Variants in TEX9 observed in about 807,000 individuals in gnomAD.
The protein encoded by TEX9 is testis-expressed protein 9.
Under a neutral mutation model 59.6 loss-of-function variants are expected in TEX9, and 74 were observed. The ratio of observed to expected loss-of-function variants is 1.24; its 90% CI spans 1.03 to 1.51. TEX9 has a LOEUF of 1.51. Ranked by LOEUF, TEX9 falls within the 40% of genes most tolerant of loss-of-function variation. The pLI is 0.00. For missense variants in TEX9, 522 were observed against 447.8 expected, an observed-to-expected ratio of 1.17 and a Z score of -1.49; for synonymous variants, 186 against 152.2, an observed-to-expected ratio of 1.22 and a Z score of -1.64.
chr15:56,267,493 T>C (rs1234093971), intron 1 of TEX9, among the ~76,000 whole-genome samples: 1 of 152,236 alleles, frequency 6.6e-6, no homozygotes, highest in African/African-American at 2.4e-5. Context: ...CCATCTTGAA[T>C]TAATTTTCGT....
intron 1 of TEX9, among the ~76,000 whole-genome samples, chr15:56,349,312 C>T (rs568420413): frequency 8.9e-4 from 135 of 152,274 alleles, no homozygotes; most frequent in African/African-American, 3.0e-3. Context: ...AAATTTATCT[C>T]TTGGGAAACA....
In TEX9 at chr15:56,439,120, T is replaced by C. The variant is rs548526325; in HGVS notation, c.*30-6551T>C. 4.6e-5 allele frequency among the ~76,000 whole-genome samples: 7 copies of C among 152,160 alleles called. No individual in the cohort carries two copies. The East Asian group carries it at 9.7e-4, about 21-fold the overall frequency. On this transcript the variant is annotated intron_variant, in intron 12 of 12. Coordinates refer to ENST00000352903, the Ensembl canonical transcript of TEX9. Reference sequence around the variant, plus strand: ...GTGAGATACAAGATAAACACAAAAATATCAATTCACTAGCAACGAGTACAC... The same window carrying C: ...GTGAGATACAAGATAAACACAAAAACATCAATTCACTAGCAACGAGTACAC...
At chr15:56,278,628 C>T (rs973719627) in intron 1 of TEX9, among the ~76,000 whole-genome samples, 2 of 152,108 alleles carry the variant, frequency 1.3e-5, no homozygotes, top group East Asian at 1.9e-4. Flanking sequence ...CCTTGTGGGA[C>T]TTTCTCTCTT....
intron 10 of TEX9, among the ~76,000 whole-genome samples, chr15:56,420,826 T>C (rs2049943587): frequency 6.6e-6 from 1 of 151,982 alleles, no homozygotes; most frequent in Non-Finnish European, 1.5e-5. Flanking sequence ...TACGAGTTTG[T>C]CATTTCATTT....
At chr15:56,373,611 C>A in intron 3 of TEX9, 107 bp downstream of exon 3, 1 of 832,624 alleles carries the variant, frequency 1.2e-6, no homozygotes, top group Non-Finnish European at 1.7e-6. Context: ...CATGTGTGTT[C>A]AGTTCAATGA....
At chr15:56,320,092 T>A (rs2725850) in intron 1 of TEX9, among the ~76,000 whole-genome samples, 70,550 of 152,050 alleles carry the variant, frequency 0.46, 18,881 homozygotes, top group Non-Finnish European at 0.6. Flanking sequence ...CAGGTACAGG[T>A]GCCCTCATAG....
At chr15:56,451,729 T>G in the TEX9 span, among the ~76,000 whole-genome samples, 347 of 152,128 alleles carry the variant, frequency 2.3e-3, 1 homozygote, top group Middle Eastern at 3.4e-3. Context: ...CAATTCATGA[T>G]GGGATGCATC....
chr15:56,453,400 A>C, the TEX9 span, among the ~76,000 whole-genome samples: 14 of 152,074 alleles, frequency 9.2e-5, 1 homozygote, highest in Non-Finnish European at 8.8e-5. Context: ...AGAAAATGTT[A>C]TTTTGTGCTC....
At chr15:56,302,034 G>A (rs745578166) in intron 1 of TEX9, among the ~76,000 whole-genome samples, 4 of 152,082 alleles carry the variant, frequency 2.6e-5, no homozygotes, top group Admixed American at 6.6e-5. Context: ...AAATTAAAAA[G>A]CAGGGGCATG....
intron 3 of TEX9, among the ~76,000 whole-genome samples, chr15:56,379,786 A>G (rs28805049): frequency 0.024 from 3,712 of 151,688 alleles, 156 homozygotes; most frequent in African/African-American, 0.085. Flanking sequence ...TTAGCATTAT[A>G]TAATGACCTT....
intron 10 of TEX9, among the ~76,000 whole-genome samples, chr15:56,425,338 A>G (rs1180035416): frequency 6.6e-6 from 1 of 152,108 alleles, no homozygotes; most frequent in Non-Finnish European, 1.5e-5. Flanking sequence ...TTTTCTATCT[A>G]AGATTACACT....
rs1176090890 is a variant in TEX9 at position 56,392,898 on chromosome 15, G to T, written c.572-1267G>T. 3.3e-5 allele frequency among the ~76,000 whole-genome samples: 5 copies of T among 152,212 alleles called. 1 individual carries two copies. The East Asian group carries it at 9.7e-4, about 29-fold the overall frequency. On this transcript the variant is annotated intron_variant, in intron 7 of 12. Transcript: ENST00000352903. ...CCTGTGTTCCCTTTTTAGTATCACTGGCCTAGGTGTCTTCTCTTTTGGGAG... is the reference window on the plus strand; with the variant it reads ...CCTGTGTTCCCTTTTTAGTATCACTTGCCTAGGTGTCTTCTCTTTTGGGAG...
intron 4 of TEX9, among the ~76,000 whole-genome samples, chr15:56,387,589 A>G (rs1262544743): frequency 4.6e-5 from 7 of 152,084 alleles, no homozygotes; most frequent in Middle Eastern, 3.4e-3. Context: ...GTCTTCTCCA[A>G]TGGTTAGGAG....
At chr15:56,403,547 G>A (rs144803255) in intron 9 of TEX9, among the ~76,000 whole-genome samples, 3,555 of 152,222 alleles carry the variant, frequency 0.023, 105 homozygotes, top group Admixed American at 0.078. Flanking sequence ...GTGAAAATGG[G>A]CATACTGCCC....
intron 1 of TEX9, among the ~76,000 whole-genome samples, chr15:56,327,850 C>G (rs2046056205): frequency 6.6e-6 from 1 of 152,148 alleles, no homozygotes; most frequent in South Asian, 2.1e-4. Context: ...TTCCAACATG[C>G]CTCACCACTG....
At position 56,428,385 on chromosome 15, in the gene TEX9, A is replaced by T. The variant is rs777989652; in HGVS notation, c.1117A>T (p.Lys373Ter). 1 of 1,612,066 alleles carries T rather than the reference A, an allele frequency of 6.2e-7. No homozygotes were observed. The highest frequency in any genetic ancestry group is 8.5e-7 in the Non-Finnish European group (1 of 1,178,910). Residue 373 changes from lysine (K) to a stop codon, truncating the protein, a stop_gained, in exon 12 of 13, where the codon AAG (lysine) becomes TAG (stop). Transcript: ENST00000352903. LOFTEE classifies it high-confidence loss of function. ...TTAACAGATGCATATTGAAGCTGCC[A>T]AGATGCTATCTTTCACTGAGGAGGA...
chr15:56,315,355 A>G (rs1478042487), intron 1 of TEX9, among the ~76,000 whole-genome samples: 1 of 146,472 alleles, frequency 6.8e-6, no homozygotes, highest in East Asian at 2.0e-4. Flanking sequence ...GGTGGTGACA[A>G]AATCTCTCAG....
rs530565777 is a variant in TEX9 at position 56,254,543 on chromosome 15, T to G, written c.-107+10265T>G. Among the ~76,000 whole-genome samples, 117 of 151,454 alleles carry G rather than the reference T, an allele frequency of 7.7e-4. 1 individual carries two copies. The highest frequency in any genetic ancestry group is 2.7e-3 in the African/African-American group (111 of 41,332). ...TGAAAAGAAACACTCTCCCCAGCAA[T>G]ATGCCCTTCCCTTCACCTATAATCA... is the stretch of plus-strand genomic sequence containing the variant. On this transcript the variant is annotated intron_variant, in intron 1 of 5. Coordinates refer to the TEX9 transcript ENST00000560827.
intron 1 of TEX9, among the ~76,000 whole-genome samples, chr15:56,244,796 TC>T (rs1440339692): frequency 8.2e-6 from 1 of 121,426 alleles, no homozygotes; most frequent in Non-Finnish European, 1.8e-5. Flanking sequence ...ACACCCGCCC[TC>T]CCCCCGCAGA....
Sources: gnomAD v4.1 joint callset for allele counts (sites outside exome capture counted in the v4.1 genomes callset) on GRCh38, gnomAD v4.1.1 for gene constraint, MANE v1.5 for transcripts, NCBI Gene and HGNC (gene_info 2026-07-23, HGNC 2026-07-21) for gene names.